The following TNC variants were observed in gnomAD, a reference collection of about 807,000 sequenced individuals.
TNC encodes the protein tenascin C, also known as tenascin.
Under a neutral mutation model 202.4 loss-of-function variants are expected in TNC, and 109 were observed. That is an observed-to-expected ratio of 0.54 (90% CI 0.46 to 0.63). The LOEUF is 0.63. Ranked by LOEUF, TNC falls within the 30% of genes least tolerant of loss-of-function variation. The pLI is 0.00. For synonymous variants in TNC, 1,007 were observed against 1,089.7 expected (o/e 0.92, Z 1.50); for missense variants, 2,756 against 2,833.3 (o/e 0.97, Z 0.62).
At chr9:115,041,126 C>T (rs1262251030) in intron 18 of TNC, 42 bp from the exon 19 acceptor site, 1 of 1,575,352 alleles carries the variant, frequency 6.3e-7, no homozygotes, top group Non-Finnish European at 8.6e-7. Flanking sequence ...ATGAACCTCA[C>T]TGACACTTAT....
intron 1 of TNC, among the ~76,000 whole-genome samples, chr9:115,096,855 C>T (rs1449332260): frequency 6.6e-6 from 1 of 152,060 alleles, no homozygotes; most frequent in East Asian, 1.9e-4. Context: ...TTTTTTTCTT[C>T]CTCCCTCTGC....
chr9:115,113,582 T>C (rs994757873), intron 1 of TNC, among the ~76,000 whole-genome samples: 2 of 152,190 alleles, frequency 1.3e-5, no homozygotes, highest in African/African-American at 4.8e-5. Flanking sequence ...AGCAAAGCTA[T>C]CTATGTTCAG....
chr9:115,105,656 G>A (rs867160886), intron 1 of TNC, among the ~76,000 whole-genome samples: 6 of 152,106 alleles, frequency 3.9e-5, no homozygotes, highest in Non-Finnish European at 8.8e-5. Flanking sequence ...GAAAAATAGA[G>A]ATATGTCTAA....
At chr9:115,114,252 G>A (rs1386948000) in intron 1 of TNC, among the ~76,000 whole-genome samples, 3 of 152,198 alleles carry the variant, frequency 2.0e-5, no homozygotes, top group Admixed American at 6.5e-5. Context: ...CAGAGTGAGA[G>A]GTATTTGAAT....
In TNC at chr9:115,048,317, C is replaced by T. The variant is rs765447199; in HGVS notation, c.4795G>A (p.Val1599Ile). Residue 1599 changes from valine to isoleucine, a missense_variant, in exon 16 of 28, where the codon GTC (valine) becomes ATC (isoleucine). Around this residue, in one of 2 missense-constraint regions of TNC, gnomAD observed 2,559 missense variants for 2,546.0 expected, o/e 1.01. Transcript: ENST00000350763. ...TGATGCCCTTGGGTGAAGCCAGAGACCATAACCTCATAGCCAATGCCAGTT... is the reference window on the plus strand; with the variant it reads ...TGATGCCCTTGGGTGAAGCCAGAGATCATAACCTCATAGCCAATGCCAGTT... ...LITGIGYEVM[V>I]SGFTQGHQTK... The T allele has an allele frequency of 9.3e-6, 15 of 1,614,084 alleles. No individual in the cohort carries two copies. Among genetic ancestry groups the T allele is most frequent in the Non-Finnish European group, 5.9e-6 (7 of 1,179,964 alleles).
chr9:115,030,971 A>G (rs1829903530), intron 23 of TNC, among the ~76,000 whole-genome samples: 1 of 152,248 alleles, frequency 6.6e-6, no homozygotes, highest in Non-Finnish European at 1.5e-5. Flanking sequence ...CTCACAAGAT[A>G]GTCTTGAACA....
At position 115,041,082 on chromosome 9, in the gene TNC, T is replaced by G; in HGVS notation, c.5251A>C (p.Thr1751Pro). ...RITYVPITGGTPSMVTVDGTK... is the reference protein window; with the variant it reads ...RITYVPITGGPPSMVTVDGTK... ...CCGTCCACAGTTACCATGGAGGGTG[T>G]ACCTGGAACACAGTAAAAGCAAGAT... The change falls in exon 19 of 28, where the codon ACA becomes CCA. Residue 1751 changes from threonine to proline, a missense_variant and splice_region_variant. By Grantham distance (38) the Thr-to-Pro change is conservative. This residue lies in a region of TNC where 2,559 missense variants were observed against 2,546.0 expected (regional missense o/e 1.01). Transcript: ENST00000350763. 6.2e-7 allele frequency: 1 copy of G among 1,610,716 alleles called. No individual in the cohort carries two copies. The highest frequency in any genetic ancestry group is 1.7e-5 in the Admixed American group (1 of 59,342).
intron 18 of TNC, among the ~76,000 whole-genome samples, chr9:115,041,516 G>T (rs1397198793): frequency 1.3e-5 from 2 of 152,186 alleles, no homozygotes; most frequent in Admixed American, 6.5e-5. Flanking sequence ...CTTAAGAAAA[G>T]AAAGTTGATT....
chr9:115,090,468 T>C lies in TNC; in HGVS notation c.457+94A>G, dbSNP rs867559124. On this transcript the variant is annotated intron_variant, in intron 2 of 27. Coordinates refer to ENST00000350763, the MANE Select transcript of TNC (RefSeq NM_002160.4). ...ACACTCTGGGAAGCTAGTTTTCTAG[T>C]GAGCCCACTTTGGAAGCAAGTGATG... The C allele has an allele frequency of 7.8e-6, 8 of 1,024,570 alleles. No homozygotes were observed. The African/African-American group carries it at 1.3e-4, about 16-fold the overall frequency. 63.5% of individuals were successfully genotyped at this position (1,024,570 alleles called of 1,614,324 possible).
chr9:115,077,338 G>C (rs10124504), intron 7 of TNC, among the ~76,000 whole-genome samples: 33,133 of 152,236 alleles, frequency 0.22, 3,931 homozygotes, highest in East Asian at 0.28. Flanking sequence ...TTACAGGCGT[G>C]AGCCACTGCG....
At chr9:115,068,247 G>T (rs1833101324) in intron 10 of TNC, among the ~76,000 whole-genome samples, 1 of 152,192 alleles carries the variant, frequency 6.6e-6, no homozygotes, top group African/African-American at 2.4e-5. Context: ...TCTTCTTACA[G>T]CTGTGCACTG....
chr9:115,115,944 C>A (rs958596006), intron 1 of TNC, among the ~76,000 whole-genome samples: 6 of 152,160 alleles, frequency 3.9e-5, no homozygotes, highest in Admixed American at 2.6e-4. Context: ...GTTTAAAAAT[C>A]ATGATCTTAG....
At chr9:115,062,021 C>A (rs1029786292) in intron 13 of TNC, among the ~76,000 whole-genome samples, 1 of 152,146 alleles carries the variant, frequency 6.6e-6, no homozygotes, top group Admixed American at 6.5e-5. Context: ...TAGAGATCTG[C>A]CTATCAGGTG....
rs377631715 is a variant in TNC at position 115,086,671 on chromosome 9, C to A, written c.1060G>T (p.Gly354Cys). The change falls in exon 3 of 28, where the codon GGC (glycine) becomes TGC (cysteine). Residue 354 changes from glycine (G) to cysteine (C), a missense_variant. This residue lies in a region of TNC where 2,559 missense variants were observed against 2,546.0 expected (regional missense o/e 1.01). Transcript: ENST00000350763. ...PTCPHACHTQ[G>C]RCEEGQCVCD... is the part of the protein sequence containing the mutation. ...ACACACTGCCCCTCCTCACACCGGC[C>A]CTGGGTGTGGCAGGCATGTGGGCAG... 2.2e-5 allele frequency: 36 copies of A among 1,614,068 alleles called. No individual in the cohort carries two copies. The African/African-American group carries it at 4.0e-4, about 18-fold the overall frequency.
intron 3 of TNC, 73 bp downstream of exon 3, chr9:115,085,791 G>T: frequency 1.5e-6 from 2 of 1,341,228 alleles, no homozygotes; most frequent in Non-Finnish European, 2.0e-6. Context: ...ATATATAAAC[G>T]TAGTTTTCCA....
At position 115,085,883 on chromosome 9, in the gene TNC, G is replaced by T. The variant is rs563361695; in HGVS notation, c.1848C>A (p.Ser616Arg). The T allele has an allele frequency of 5.6e-5, 91 of 1,611,132 alleles. No homozygotes were observed. Among genetic ancestry groups the T allele is most frequent in the South Asian group, 8.8e-5 (8 of 90,856 alleles). Residue 616 changes from serine (S) to arginine (R), a missense_variant, in exon 3 of 28, where the codon AGC (serine) becomes AGA (arginine). This residue lies in a region of TNC where 2,559 missense variants were observed against 2,546.0 expected (regional missense o/e 1.01). Transcript: ENST00000350763. ...SGRCICNEGY[S>R]GEDCSEVSPP... The stretch of plus-strand genomic sequence containing the variant: ...ACTCACCCTCTGAGCAGTCTTCTCC[G>T]CTGTAGCCCTCGTTGCAGATGCAGC...
At chr9:115,114,502 G>A (rs1156300866) in intron 1 of TNC, among the ~76,000 whole-genome samples, 3 of 152,230 alleles carry the variant, frequency 2.0e-5, no homozygotes, top group Non-Finnish European at 4.4e-5. Flanking sequence ...TTCCAGGGCT[G>A]AAATTTGAAC....
rs1836206460 is a variant in TNC at position 115,101,187 on chromosome 9, A to G, written c.-136-10033T>C. ...GTTCTGTATAATCGCAAAGCTCATAATTTCCTCCCAAAGAGTCACAAAATA... is the reference window on the plus strand; with the variant it reads ...GTTCTGTATAATCGCAAAGCTCATAGTTTCCTCCCAAAGAGTCACAAAATA... On this transcript the variant is annotated intron_variant, in intron 1 of 27. Coordinates refer to ENST00000350763, the MANE Select transcript of TNC (RefSeq NM_002160.4). Among the ~76,000 whole-genome samples the G allele has an allele frequency of 2.0e-5, 3 of 152,182 alleles. No homozygotes were observed. In the South Asian group the frequency reaches 6.2e-4, roughly 31 times the overall value.
chr9:115,023,872 G>A, intron 27 of TNC, 101 bp downstream of exon 27: 1 of 1,322,552 alleles, frequency 7.6e-7, no homozygotes. Flanking sequence ...TAAGGTTCCT[G>A]CCTCCTAGTC....
Sources: allele counts gnomAD v4.1 joint callset (sites outside exome capture counted in the v4.1 genomes callset), GRCh38; gene constraint gnomAD v4.1.1; regional missense constraint gnomAD v4.1.1; transcripts MANE v1.5; gene names NCBI Gene and HGNC (gene_info 2026-07-23, HGNC 2026-07-21).